FRMD4A: variants seen among roughly 807,000 people sequenced by gnomAD.
FRMD4A encodes the protein FERM domain containing 4A, also known as FERM domain-containing protein 4A.
FRMD4A carries 29 observed loss-of-function variants against 129.1 expected under a neutral mutation model. That is an observed-to-expected ratio of 0.22 (90% CI 0.17 to 0.31). FRMD4A has a LOEUF of 0.31. Among genes scored for constraint, FRMD4A ranks in the 10% least tolerant of loss-of-function variants. FRMD4A has a pLI of 1.00. For synonymous variants in FRMD4A, 634 were observed against 571.6 expected, an observed-to-expected ratio of 1.11 and a Z score of -1.56; for missense variants, 1,272 against 1,375.8, an observed-to-expected ratio of 0.92 and a Z score of 1.19.
chr10:13,689,198 C>CGGGGGGGGGG (rs61670615), intron 15 of FRMD4A, among the ~76,000 whole-genome samples: 2 of 68,058 alleles, frequency 2.9e-5, no homozygotes, highest in African/African-American at 9.0e-5. Flanking sequence ...AAACTCTTTG[C>CGGGGGGGGGG]GGGGGGGGGG....
intron 2 of FRMD4A, among the ~76,000 whole-genome samples, chr10:14,292,946 G>T (rs1289960207): frequency 6.6e-6 from 1 of 152,220 alleles, no homozygotes; most frequent in Non-Finnish European, 1.5e-5. Context: ...TTCACCAAAA[G>T]GTATTAAGAA....
chr10:13,937,790 C>T (rs2095260548), intron 2 of FRMD4A, among the ~76,000 whole-genome samples: 1 of 152,200 alleles, frequency 6.6e-6, no homozygotes, highest in Non-Finnish European at 1.5e-5. Flanking sequence ...CACGTGTGTT[C>T]GCAAGCATTT....
chr10:13,912,889 C>T (rs769077240), intron 2 of FRMD4A, among the ~76,000 whole-genome samples: 1 of 151,764 alleles, frequency 6.6e-6, no homozygotes, highest in Non-Finnish European at 1.5e-5. Context: ...TCCTGACCAA[C>T]ATGGTGAAAC....
chr10:13,711,190 G>A (rs1335768595), intron 12 of FRMD4A, among the ~76,000 whole-genome samples: 2 of 152,238 alleles, frequency 1.3e-5, no homozygotes. Context: ...CAGGGCCGGG[G>A]TGCAGCTTGC....
At chr10:14,285,175 G>T (rs1218370) in intron 2 of FRMD4A, among the ~76,000 whole-genome samples, 81,424 of 152,058 alleles carry the variant, frequency 0.54, 22,749 homozygotes, top group African/African-American at 0.71. Flanking sequence ...AAGTGACACC[G>T]CTTCCCAGCG....
chr10:14,316,919 G>C (rs1056261898), intron 2 of FRMD4A, among the ~76,000 whole-genome samples: 2 of 152,152 alleles, frequency 1.3e-5, no homozygotes, highest in Non-Finnish European at 2.9e-5. Context: ...TTCTTAATGA[G>C]AGTCAATATG....
At chr10:13,780,810 C>T (rs2092713956) in intron 6 of FRMD4A, among the ~76,000 whole-genome samples, 1 of 152,144 alleles carries the variant, frequency 6.6e-6, no homozygotes, top group Admixed American at 6.5e-5. Context: ...TAGAAGTACC[C>T]TATGATCTGG....
rs572324275 is a variant in FRMD4A, at chr10:13,869,777, T to G, written c.46-10865A>C. ...TAGAGTGTTTTCTGAAAACGGGATT[T>G]TCTTTACCTCCATTTCGAGTACATT... On this transcript the variant is annotated intron_variant, in intron 2 of 24. Transcript: ENST00000357447. Among the ~76,000 whole-genome samples, 6 of 152,344 alleles carry G rather than the reference T, an allele frequency of 3.9e-5. No homozygotes were observed. The South Asian group carries it at 1.0e-3, about 26-fold the overall frequency.
intron 5 of FRMD4A, among the ~76,000 whole-genome samples, chr10:13,784,544 T>A (rs1455090495): frequency 6.6e-6 from 1 of 152,212 alleles, no homozygotes; most frequent in Non-Finnish European, 1.5e-5. Context: ...CAACTTGGAA[T>A]GTCCAGCTTC....
At chr10:14,282,768 T>G (rs1217037925) in intron 2 of FRMD4A, among the ~76,000 whole-genome samples, 2 of 152,212 alleles carry the variant, frequency 1.3e-5, no homozygotes, top group African/African-American at 4.8e-5. Flanking sequence ...TGTTCACCAT[T>G]TGATTGATCA....
At chr10:13,763,432 C>T (rs184721810) in intron 6 of FRMD4A, among the ~76,000 whole-genome samples, 6 of 152,112 alleles carry the variant, frequency 3.9e-5, no homozygotes, top group Admixed American at 1.3e-4. Flanking sequence ...TTGTACTAGC[C>T]ACATTTCTTT....
intron 2 of FRMD4A, among the ~76,000 whole-genome samples, chr10:13,866,693 C>T (rs1243158531): frequency 6.6e-6 from 1 of 152,188 alleles, no homozygotes. Context: ...AAACATTAAT[C>T]CCTGCCCTGT....
chr10:13,757,109 CAGCGAT>C (rs1564750239), intron 8 of FRMD4A, among the ~76,000 whole-genome samples: 1 of 152,228 alleles, frequency 6.6e-6, no homozygotes, highest in African/African-American at 2.4e-5. Context: ...CAATGGTCAA[CAGCGAT>C]TATCGAAAGA....
intron 2 of FRMD4A, among the ~76,000 whole-genome samples, chr10:14,290,836 T>C (rs953985608): frequency 6.6e-6 from 1 of 152,098 alleles, no homozygotes; most frequent in African/African-American, 2.4e-5. Context: ...CTACCTCACA[T>C]ATCTTTGGCT....
At chr10:13,845,105 G>A (rs1489565375) in intron 3 of FRMD4A, among the ~76,000 whole-genome samples, 2 of 152,142 alleles carry the variant, frequency 1.3e-5, no homozygotes, top group East Asian at 1.9e-4. Flanking sequence ...ATACTGGGAC[G>A]CAACCATTGA....
At chr10:14,221,982 T>G (rs544674637) in intron 2 of FRMD4A, among the ~76,000 whole-genome samples, 4 of 152,294 alleles carry the variant, frequency 2.6e-5, no homozygotes, top group African/African-American at 7.2e-5. Flanking sequence ...GGAAGGTAGG[T>G]AATTACTTCT....
intron 23 of FRMD4A, chr10:13,652,590 T>C (rs2081735408): frequency 6.5e-6 from 1 of 152,778 alleles, no homozygotes; most frequent in Admixed American, 6.5e-5. Context: ...AGAGCTGGGG[T>C]GTGGGTGGGT....
intron 15 of FRMD4A, chr10:13,685,257 C>G (rs569399625): frequency 1.0e-6 from 1 of 985,080 alleles, no homozygotes; most frequent in East Asian, 1.1e-4. Context: ...AAACCAAGCA[C>G]CTTTTGATGG....
chr10:14,050,209 A>G (rs534459910), intron 2 of FRMD4A, among the ~76,000 whole-genome samples: 40 of 152,386 alleles, frequency 2.6e-4, no homozygotes, highest in Non-Finnish European at 5.0e-4. Flanking sequence ...AAGCAAAGAC[A>G]CATTAAGCAG....
Sources: allele counts gnomAD v4.1 joint callset (sites outside exome capture counted in the v4.1 genomes callset), GRCh38; gene constraint gnomAD v4.1.1; transcripts MANE v1.5; gene names NCBI Gene and HGNC (gene_info 2026-07-23, HGNC 2026-07-21).